COL24A1: variants seen among roughly 807,000 people sequenced by gnomAD.
COL24A1 encodes collagen alpha-1(XXIV) chain.
In COL24A1, 224 loss-of-function variants were observed where a neutral mutation model predicts 253.9. The ratio of observed to expected loss-of-function variants is 0.88; its 90% CI spans 0.79 to 0.99. COL24A1 has a LOEUF of 0.99. COL24A1 is among the 50% of genes least tolerant of loss of function. COL24A1 has a pLI of 0.00. For synonymous variants in COL24A1, 685 were observed against 673.7 expected (o/e 1.02, Z -0.26); for missense variants, 2,131 against 2,068.5 (o/e 1.03, Z -0.59).
intron 48 of COL24A1, among the ~76,000 whole-genome samples, chr1:85,785,791 G>C (rs1418430189): frequency 6.6e-6 from 1 of 152,194 alleles, no homozygotes; most frequent in Non-Finnish European, 1.5e-5. Flanking sequence ...AAGAGCTTTA[G>C]ATGTTGGACT....
At chr1:85,947,597 T>A (rs183000832) in intron 24 of COL24A1, among the ~76,000 whole-genome samples, 41 of 152,314 alleles carry the variant, frequency 2.7e-4, no homozygotes, top group Middle Eastern at 3.4e-3. Flanking sequence ...ATAAAGAGCC[T>A]CTGATAATTC....
chr1:85,995,951 G>A (rs768368087), intron 19 of COL24A1, among the ~76,000 whole-genome samples: 1 of 152,190 alleles, frequency 6.6e-6, no homozygotes, highest in Non-Finnish European at 1.5e-5. Flanking sequence ...GCATAACTGT[G>A]AGCCAATTAA....
At chr1:86,088,455 C>A (rs1228139709) in intron 7 of COL24A1, among the ~76,000 whole-genome samples, 1 of 152,030 alleles carries the variant, frequency 6.6e-6, no homozygotes, top group African/African-American at 2.4e-5. Context: ...AAATCAATAA[C>A]TTAGTGTTTG....
At chr1:85,810,049 CA>C (rs1672374976) in intron 47 of COL24A1, among the ~76,000 whole-genome samples, 3 of 142,216 alleles carry the variant, frequency 2.1e-5, no homozygotes, top group Non-Finnish European at 4.6e-5. Context: ...AGGTCAGCAG[CA>C]CTTGTTTTCC....
chr1:85,947,415 A>G (rs893769963), intron 24 of COL24A1, among the ~76,000 whole-genome samples: 9 of 152,216 alleles, frequency 5.9e-5, no homozygotes, highest in Admixed American at 2.0e-4. Flanking sequence ...GGGAAATTGA[A>G]ACCAACTAAA....
chr1:85,864,384 A>C (rs1679537536), intron 37 of COL24A1, among the ~76,000 whole-genome samples: 1 of 125,824 alleles, frequency 7.9e-6, no homozygotes, highest in African/African-American at 3.0e-5. Context: ...GGAACATCAC[A>C]CACTGTCGTG....
At chr1:85,901,824 CAA>C (rs55862441) in intron 28 of COL24A1, among the ~76,000 whole-genome samples, 2 of 57,784 alleles carry the variant, frequency 3.5e-5, no homozygotes, top group African/African-American at 7.0e-5. Flanking sequence ...GACTCCGTCT[CAA>C]AAAAAAAAAA....
At chr1:85,936,756 C>G (rs898715918) in intron 24 of COL24A1, among the ~76,000 whole-genome samples, 1 of 146,956 alleles carries the variant, frequency 6.8e-6, no homozygotes, top group Admixed American at 6.8e-5. Flanking sequence ...TATGCAAAGC[C>G]TATGTTAAGC....
At chr1:86,101,962 A>C (rs991431908) in intron 5 of COL24A1, among the ~76,000 whole-genome samples, 3 of 151,640 alleles carry the variant, frequency 2.0e-5, no homozygotes, top group African/African-American at 7.3e-5. Context: ...GAATTGTACC[A>C]GCTCTTTTTT....
At chr1:85,754,937 C>T (rs899520770) in intron 55 of COL24A1, among the ~76,000 whole-genome samples, 2 of 152,086 alleles carry the variant, frequency 1.3e-5, no homozygotes, top group Non-Finnish European at 2.9e-5. Flanking sequence ...CTGAAAACAT[C>T]ACAAATCTGA....
chr1:85,871,625 G>A (rs2102553498), intron 35 of COL24A1, among the ~76,000 whole-genome samples: 1 of 152,188 alleles, frequency 6.6e-6, no homozygotes, highest in African/African-American at 2.4e-5. Context: ...ATGCAGAAAA[G>A]GCCTTTGACA....
chr1:85,793,287 T>C (rs1670487123), intron 47 of COL24A1, among the ~76,000 whole-genome samples: 1 of 152,124 alleles, frequency 6.6e-6, no homozygotes, highest in South Asian at 2.1e-4. Context: ...AGGATATAGG[T>C]TCATGTTCCT....
intron 24 of COL24A1, among the ~76,000 whole-genome samples, chr1:85,938,388 T>G (rs1385396601): frequency 6.8e-6 from 1 of 146,488 alleles, no homozygotes; most frequent in Non-Finnish European, 1.5e-5. Context: ...TATGGCAATC[T>G]CTTGAGCCCT....
intron 22 of COL24A1, among the ~76,000 whole-genome samples, chr1:85,966,149 GC>G (rs1448940488): frequency 6.6e-6 from 1 of 152,098 alleles, no homozygotes; most frequent in Non-Finnish European, 1.5e-5. Context: ...TGAAGGTAGA[GC>G]TTCCAGGAAC....
chr1:85,935,040 G>A (rs940828052), intron 24 of COL24A1, among the ~76,000 whole-genome samples: 3 of 151,114 alleles, frequency 2.0e-5, no homozygotes, highest in African/African-American at 7.3e-5. Flanking sequence ...TTCACTTTTG[G>A]CAAAATAGTA....
chr1:86,129,026 T>C (rs1479667011), intron 2 of COL24A1, among the ~76,000 whole-genome samples: 2 of 151,838 alleles, frequency 1.3e-5, no homozygotes, highest in Non-Finnish European at 2.9e-5. Context: ...TTACATTTTT[T>C]CCCAAAAAGT....
chr1:86,144,579 T>C (rs1252906901), intron 2 of COL24A1, among the ~76,000 whole-genome samples: 1 of 152,134 alleles, frequency 6.6e-6, no homozygotes, highest in Non-Finnish European at 1.5e-5. Flanking sequence ...ATATGTAAAG[T>C]ACCAGCAAAA....
Position 85,791,981 on chromosome 1 carries a change from C to G in COL24A1, c.3952-5520G>C, listed in dbSNP as rs1670325655. On this transcript the variant is annotated intron_variant, in intron 47 of 59. Transcript: ENST00000370571. ...AAGCTAAGTGTTATCCTATACAAAG[C>G]ATGACATTTTTCTCATTACTAGTCT... is the stretch of plus-strand genomic sequence containing the variant. Among the ~76,000 whole-genome samples, 4 of 152,032 alleles carry G rather than the reference C, an allele frequency of 2.6e-5. No homozygotes were observed. In the South Asian group the frequency reaches 8.3e-4, roughly 32 times the overall value.
At chr1:85,990,129 T>C (rs536612491) in intron 19 of COL24A1, among the ~76,000 whole-genome samples, 34 of 152,060 alleles carry the variant, frequency 2.2e-4, no homozygotes, top group African/African-American at 8.2e-4. Context: ...TTTTTTCTTT[T>C]CTTTTCTTTT....
Sources: allele counts gnomAD v4.1 joint callset (sites outside exome capture counted in the v4.1 genomes callset), GRCh38; gene constraint gnomAD v4.1.1; transcripts MANE v1.5; gene names NCBI Gene and HGNC (gene_info 2026-07-23, HGNC 2026-07-21).